Variants in CHD6 observed in about 807,000 individuals in gnomAD.
CHD6 encodes the protein chromodomain helicase DNA binding protein 6, also known as ATP-dependent chromatin remodeler CHD6.
A neutral mutation model predicts 276.9 loss-of-function variants in CHD6; 50 were observed. The observed-to-expected ratio is 0.18, with a 90% confidence interval of 0.14 to 0.23. CHD6 has a LOEUF of 0.23. Among genes scored for constraint, CHD6 ranks in the 10% least tolerant of loss-of-function variants. The pLI is 1.00. For synonymous variants in CHD6, 1,173 were observed against 1,229.3 expected (o/e 0.95, Z 0.96); for missense variants, 2,564 against 3,365.8 (o/e 0.76, Z 5.89).
intron 1 of CHD6, among the ~76,000 whole-genome samples, chr20:41,594,913 C>A (rs1388646173): frequency 6.6e-6 from 1 of 152,212 alleles, no homozygotes; most frequent in African/African-American, 2.4e-5. Flanking sequence ...TTCTTGTGAT[C>A]GGACAGGTGC....
chr20:41,457,191 G>C, intron 18 of CHD6, 73 bp downstream of exon 18: 2 of 1,537,224 alleles, frequency 1.3e-6, no homozygotes, highest in South Asian at 1.2e-5. Flanking sequence ...TTAAACAGCT[G>C]TAAGAAGAGA....
At chr20:41,484,235 G>T in intron 15 of CHD6, 117 bp downstream of exon 15, 1 of 1,262,398 alleles carries the variant, frequency 7.9e-7, no homozygotes, top group Non-Finnish European at 1.1e-6. Flanking sequence ...GTAAAAAGGT[G>T]AGAATGCGTA....
intron 2 of CHD6, among the ~76,000 whole-genome samples, chr20:41,539,367 C>T (rs949310693): frequency 6.6e-6 from 1 of 152,180 alleles, no homozygotes; most frequent in Non-Finnish European, 1.5e-5. Context: ...AGGCTCTCCT[C>T]GAGAGTGGTT....
At chr20:41,423,116 C>T (rs1433150180) in intron 30 of CHD6, among the ~76,000 whole-genome samples, 1 of 152,178 alleles carries the variant, frequency 6.6e-6, no homozygotes, top group Admixed American at 6.5e-5. Flanking sequence ...TGAGGAAATA[C>T]TTAAAGTTAT....
At chr20:41,416,472 G>T in intron 33 of CHD6, 116 bp downstream of exon 33, 3 of 923,988 alleles carry the variant, frequency 3.2e-6, no homozygotes, top group East Asian at 2.5e-5. Flanking sequence ...TAATGGCTTG[G>T]CAAAAAAAAA....
Position 41,445,788 on chromosome 20 carries a change from G to C in CHD6, c.3774-20C>G, listed in dbSNP as rs751589529. On this transcript the variant is annotated intron_variant, in intron 24 of 36. Coordinates refer to ENST00000373233, the MANE Select transcript of CHD6 (RefSeq NM_032221.5). Reference sequence around the variant, plus strand: ...AGCTCCCTAGGGAAGGAAGGGTGTAGACTCAAAACAACACAAAAGCTACTG... The same window carrying C: ...AGCTCCCTAGGGAAGGAAGGGTGTACACTCAAAACAACACAAAAGCTACTG... 1 of 1,523,050 alleles carries C rather than the reference G, an allele frequency of 6.6e-7. No homozygotes were observed. The highest frequency in any genetic ancestry group is 1.1e-5 in the South Asian group (1 of 89,004). 94.3% of individuals were successfully genotyped at this position (1,523,050 alleles called of 1,614,324 possible). A position where few individuals can be genotyped will look rare whatever the true frequency, so the allele number is the denominator to read the frequency against.
chr20:41,506,175 C>T (rs1276790974), intron 5 of CHD6, among the ~76,000 whole-genome samples: 1 of 152,158 alleles, frequency 6.6e-6, no homozygotes, highest in Non-Finnish European at 1.5e-5. Context: ...AATTTGTCTC[C>T]CTGCTTCAGT....
rs943643612 is a variant in CHD6 at position 41,490,151 on chromosome 20, T to C, written c.1437-130A>G. ...GAAGGCTTTATCATCATTTCACATA[T>C]TAAACTGAGGTTAGTTATTATTATT... is the stretch of plus-strand genomic sequence containing the variant. On this transcript the variant is annotated intron_variant, in intron 11 of 36. Transcript: ENST00000373233. 7.5e-6 allele frequency: 6 copies of C among 796,288 alleles called. No homozygotes were observed. In the African/African-American group the frequency reaches 1.0e-4, roughly 14 times the overall value. The allele number at this position is 796,288 out of a possible 1,614,324, so 49.3% of individuals were successfully genotyped here.
intron 1 of CHD6, among the ~76,000 whole-genome samples, chr20:41,586,753 C>G (rs2045599576): frequency 6.6e-6 from 1 of 152,094 alleles, no homozygotes; most frequent in African/African-American, 2.4e-5. Context: ...TCGTGATACA[C>G]AAAAAGCATG....
chr20:41,476,974 C>T (rs2043181910), intron 16 of CHD6, among the ~76,000 whole-genome samples: 1 of 152,044 alleles, frequency 6.6e-6, no homozygotes, highest in South Asian at 2.1e-4. Context: ...TGGTGGCTCA[C>T]TCTTGTAACC....
chr20:41,406,508 C>T (rs912622788), intron 36 of CHD6, among the ~76,000 whole-genome samples: 12 of 152,206 alleles, frequency 7.9e-5, no homozygotes, highest in African/African-American at 1.2e-4. Flanking sequence ...GAAAGGAAGG[C>T]GCAGGCTGCA....
intron 27 of CHD6, among the ~76,000 whole-genome samples, chr20:41,432,332 C>T (rs1600844332): frequency 6.6e-6 from 1 of 152,174 alleles, no homozygotes; most frequent in African/African-American, 2.4e-5. Flanking sequence ...GCAACAACGG[C>T]TGAGTGGGAG....
intron 3 of CHD6, among the ~76,000 whole-genome samples, chr20:41,520,075 C>T (rs2044351285): frequency 6.6e-6 from 1 of 152,204 alleles, no homozygotes; most frequent in Admixed American, 6.5e-5. Flanking sequence ...AAAAAATGCT[C>T]ATCATCACTG....
chr20:41,520,176 T>C (rs909482424), intron 3 of CHD6, among the ~76,000 whole-genome samples: 1 of 152,106 alleles, frequency 6.6e-6, no homozygotes, highest in African/African-American at 2.4e-5. Context: ...AAACAACAGG[T>C]GCTGGAGAGG....
intron 27 of CHD6, among the ~76,000 whole-genome samples, chr20:41,428,751 G>T (rs2047442027): frequency 6.6e-6 from 1 of 152,208 alleles, no homozygotes; most frequent in South Asian, 2.1e-4. Flanking sequence ...GCAGAATGTA[G>T]AAAAAGAAGA....
intron 1 of CHD6, among the ~76,000 whole-genome samples, chr20:41,586,768 A>C (rs1342562635): frequency 6.6e-6 from 1 of 152,254 alleles, no homozygotes; most frequent in Non-Finnish European, 1.5e-5. Flanking sequence ...AGCATGTAAC[A>C]AAATTCAAAA....
intron 2 of CHD6, among the ~76,000 whole-genome samples, chr20:41,550,274 G>A (rs117475891): frequency 0.012 from 1,823 of 152,272 alleles, 28 homozygotes; most frequent in Admixed American, 0.024. Flanking sequence ...ATATCCACAG[G>A]ATAAGTTCCT....
intron 1 of CHD6, among the ~76,000 whole-genome samples, chr20:41,583,084 G>A (rs959156855): frequency 1.3e-5 from 2 of 151,834 alleles, no homozygotes; most frequent in Non-Finnish European, 2.9e-5. Context: ...ATTTGGCAGG[G>A]GGGAAAAAAA....
At chr20:41,582,684 G>C (rs1160370218) in intron 1 of CHD6, among the ~76,000 whole-genome samples, 1 of 152,190 alleles carries the variant, frequency 6.6e-6, no homozygotes, top group Non-Finnish European at 1.5e-5. Context: ...CCAAGATGTT[G>C]TAAGTATTGG....
Sources: gnomAD v4.1 joint callset for allele counts (sites outside exome capture counted in the v4.1 genomes callset) on GRCh38, gnomAD v4.1.1 for gene constraint, MANE v1.5 for transcripts, NCBI Gene and HGNC (gene_info 2026-07-23, HGNC 2026-07-21) for gene names.